Variants in KDM2A observed in about 807,000 individuals in gnomAD.
KDM2A encodes lysine-specific demethylase 2A.
KDM2A carries 3 observed loss-of-function variants against 137.3 expected under a neutral mutation model. The observed-to-expected ratio is 0.02, with a 90% confidence interval of 0.01 to 0.06. The LOEUF (loss-of-function observed/expected upper bound fraction) is 0.06, where lower values mean the gene tolerates loss of function less well. Among genes scored for constraint, KDM2A ranks in the 10% least tolerant of loss-of-function variants. The pLI, the probability that KDM2A is intolerant of heterozygous loss-of-function variation, is 1.00. For missense variants in KDM2A, 738 were observed against 1,510.6 expected (o/e 0.49, Z 8.48); for synonymous variants, 512 against 541.5 (o/e 0.95, Z 0.76).
chr11:67,121,454 C>G (rs545208516), intron 2 of KDM2A, 96 bp downstream of exon 2: 2 of 1,264,986 alleles, frequency 1.6e-6, no homozygotes, highest in Non-Finnish European at 2.3e-6. Flanking sequence ...GTGATTAAAA[C>G]TTTTCGGGTG....
chr11:67,134,647 G>C (rs1370731159), intron 2 of KDM2A, among the ~76,000 whole-genome samples: 2 of 151,948 alleles, frequency 1.3e-5, no homozygotes, highest in African/African-American at 4.8e-5. Context: ...TGGGATTACA[G>C]GTATGCGTCG....
chr11:67,164,617 G>T (rs1288499983), intron 2 of KDM2A, among the ~76,000 whole-genome samples: 1 of 151,752 alleles, frequency 6.6e-6, no homozygotes, highest in Non-Finnish European at 1.5e-5. Context: ...ACACTTGACT[G>T]CTGTTGGACT....
intron 12 of KDM2A, among the ~76,000 whole-genome samples, chr11:67,240,824 A>G (rs1303830548): frequency 6.6e-6 from 1 of 152,076 alleles, no homozygotes; most frequent in East Asian, 1.9e-4. Context: ...GCTTGGTTGA[A>G]TGGCCCCAGC....
chr11:67,177,890 A>G (rs190131688), intron 2 of KDM2A, among the ~76,000 whole-genome samples: 2 of 152,312 alleles, frequency 1.3e-5, no homozygotes, highest in Admixed American at 1.3e-4. Flanking sequence ...GTGTTGTGCT[A>G]TGATGTCCTG....
chr11:67,228,700 A>AG (rs1555096399), intron 11 of KDM2A, among the ~76,000 whole-genome samples: 4 of 145,004 alleles, frequency 2.8e-5, no homozygotes, highest in Admixed American at 6.7e-5. Context: ...AAAAAAAAAA[A>AG]AAAGAAAGAA....
Position 67,253,592 on chromosome 11 carries a change from T to G in KDM2A, c.3072T>G (p.Thr1024=), listed in dbSNP as rs747075005. Residue 1024 remains threonine, a synonymous_variant, in exon 19 of 21, where the codon ACT becomes ACG. Coordinates refer to ENST00000529006, the MANE Select transcript of KDM2A (RefSeq NM_012308.3). ...ACCCTCAAATTCGGGACTTGCTTAC[T>G]CCACCGGCTGATAAACCAGGTATGC... ...IKDPQIRDLL[T]PPADKPGQDN... is the part of the protein sequence containing the mutation. 1 of 1,613,904 alleles carries G rather than the reference T, an allele frequency of 6.2e-7. No individual in the cohort carries two copies. The highest frequency in any genetic ancestry group is 1.7e-5 in the Admixed American group (1 of 60,022).
chr11:67,251,221 C>T (rs1859414593), intron 17 of KDM2A, among the ~76,000 whole-genome samples: 1 of 152,200 alleles, frequency 6.6e-6, no homozygotes, highest in Non-Finnish European at 1.5e-5. Flanking sequence ...AAGCCCCTGA[C>T]TCAATTACCT....
chr11:67,255,485 T>A lies in KDM2A; in HGVS notation c.*430T>A. 2.2e-6 allele frequency: 1 copy of A among 458,624 alleles called. No individual in the cohort carries two copies. Among genetic ancestry groups the A allele is most frequent in the Non-Finnish European group, 4.4e-6 (1 of 228,310 alleles). 28.4% of individuals were successfully genotyped at this position (458,624 alleles called of 1,614,324 possible). A position where few individuals can be genotyped will look rare whatever the true frequency, so the allele number is the denominator to read the frequency against. ...CGGCCCTGTCTCCATGGCCAGGTTC[T>A]TGTGGTGTCCAGTGCGCGTCTCTCC... is the stretch of plus-strand genomic sequence containing the variant. On this transcript the variant is annotated 3_prime_UTR_variant, in exon 21 of 21. Coordinates refer to ENST00000529006, the MANE Select transcript of KDM2A (RefSeq NM_012308.3).
At chr11:67,212,144 T>C (rs897525243) in intron 6 of KDM2A, among the ~76,000 whole-genome samples, 1 of 152,010 alleles carries the variant, frequency 6.6e-6, no homozygotes, top group Non-Finnish European at 1.5e-5. Flanking sequence ...ATTAAAAAAA[T>C]TGAATAAAGC....
chr11:67,196,377 C>T (rs1331320908), intron 5 of KDM2A: 9 of 455,952 alleles, frequency 2.0e-5, no homozygotes, highest in Admixed American at 1.9e-4. Flanking sequence ...TGGACTCAAG[C>T]GATCTTCCTG....
At chr11:67,181,243 C>T in intron 3 of KDM2A, 77 bp from the exon 4 acceptor site, 2 of 888,632 alleles carry the variant, frequency 2.3e-6, no homozygotes, top group East Asian at 5.2e-5. Flanking sequence ...TACTGTATTA[C>T]TTAGGATCCT....
intron 2 of KDM2A, among the ~76,000 whole-genome samples, chr11:67,168,003 A>C (rs879655214): frequency 1.3e-5 from 2 of 152,208 alleles, no homozygotes; most frequent in Non-Finnish European, 2.9e-5. Flanking sequence ...CCTAAGGCTT[A>C]GTCATTGTAA....
chr11:67,183,045 G>T (rs903244278), intron 5 of KDM2A, among the ~76,000 whole-genome samples: 3 of 152,134 alleles, frequency 2.0e-5, no homozygotes, highest in African/African-American at 4.8e-5. Context: ...CATCTAAAAC[G>T]TGAAAGTCAC....
intron 5 of KDM2A, among the ~76,000 whole-genome samples, chr11:67,202,623 A>G (rs1857660217): frequency 6.6e-6 from 1 of 151,992 alleles, no homozygotes; most frequent in Non-Finnish European, 1.5e-5. Context: ...ATACAAAAAA[A>G]AAACTAGCCA....
intron 2 of KDM2A, among the ~76,000 whole-genome samples, chr11:67,177,087 G>T (rs1342033094): frequency 6.6e-6 from 1 of 152,038 alleles, no homozygotes; most frequent in African/African-American, 2.4e-5. Context: ...GCGAAACCCT[G>T]TCTCTACAAA....
chr11:67,231,627 C>T lies in KDM2A; in HGVS notation c.1146C>T (p.Pro382=), dbSNP rs758893111. Reference sequence around the variant, plus strand: ...ATGAGGAAGCAGTGGATCGAGAACCCCGACGCTTGAGCAGCAGGCGTTCTG... The same window carrying T: ...ATGAGGAAGCAGTGGATCGAGAACCTCGACGCTTGAGCAGCAGGCGTTCTG... The part of the protein sequence containing the change: ...NGDEEAVDRE[P]RRLSSRRSVL... The change falls in exon 12 of 21, where the codon CCC becomes CCT. Residue 382 remains proline, a synonymous_variant. Coordinates refer to ENST00000529006, the MANE Select transcript of KDM2A (RefSeq NM_012308.3). The T allele has an allele frequency of 1.2e-5, 20 of 1,612,198 alleles. No individual in the cohort carries two copies. The highest frequency in any genetic ancestry group is 1.7e-5 in the Non-Finnish European group (20 of 1,179,188).
At chr11:67,159,283 C>A (rs1856585187) in intron 2 of KDM2A, among the ~76,000 whole-genome samples, 1 of 152,184 alleles carries the variant, frequency 6.6e-6, no homozygotes, top group Non-Finnish European at 1.5e-5. Context: ...GACTACCTTT[C>A]TACATCCGAG....
In KDM2A at chr11:67,124,059, A is replaced by G. The variant is rs953378890; in HGVS notation, c.42+2701A>G. 3.9e-5 allele frequency among the ~76,000 whole-genome samples: 6 copies of G among 152,026 alleles called. No homozygotes were observed. The East Asian group carries it at 1.2e-3, about 29-fold the overall frequency. On this transcript the variant is annotated intron_variant, in intron 2 of 20. Coordinates refer to ENST00000529006, the MANE Select transcript of KDM2A (RefSeq NM_012308.3). ...CGCTCTGTTGCCCAGGCTGGAGTGC[A>G]ATGGCACTATCAGGGCTCACTGCAA...
At chr11:67,240,420 T>C in intron 12 of KDM2A, 1 of 1,468,062 alleles carries the variant, frequency 6.8e-7, no homozygotes, top group Non-Finnish European at 9.1e-7. Context: ...CGTGTAACTA[T>C]AGGGACTTTT....
Sources: gnomAD v4.1 joint callset for allele counts (sites outside exome capture counted in the v4.1 genomes callset) on GRCh38, gnomAD v4.1.1 for gene constraint, MANE v1.5 for transcripts, NCBI Gene and HGNC (gene_info 2026-07-23, HGNC 2026-07-21) for gene names.